The following GRM7 variants were observed in gnomAD, a reference collection of about 807,000 sequenced individuals.
The protein encoded by GRM7 is glutamate metabotropic receptor 7.
GRM7 carries 35 observed loss-of-function variants against 84.5 expected under a neutral mutation model. That is an observed-to-expected ratio of 0.41 (90% CI 0.32 to 0.55). The LOEUF is 0.55. GRM7 is among the 20% of genes least tolerant of loss of function. The pLI is 0.19. For missense variants in GRM7, 1,003 were observed against 1,194.6 expected (o/e 0.84, Z 2.36); for synonymous variants, 487 against 455.1 (o/e 1.07, Z -0.89).
At chr3:7,017,610 G>C (rs1221652839) in intron 1 of GRM7, among the ~76,000 whole-genome samples, 1 of 152,126 alleles carries the variant, frequency 6.6e-6, no homozygotes, top group African/African-American at 2.4e-5. Context: ...AGTTGTGCTG[G>C]TGATTCTCCA....
intron 2 of GRM7, among the ~76,000 whole-genome samples, chr3:7,284,751 A>T (rs1411818785): frequency 6.6e-6 from 1 of 152,152 alleles, no homozygotes; most frequent in Non-Finnish European, 1.5e-5. Context: ...TTTATATAAC[A>T]AAACTATTGT....
intron 2 of GRM7, among the ~76,000 whole-genome samples, chr3:7,214,227 A>G (rs1696526731): frequency 6.6e-6 from 1 of 152,190 alleles, no homozygotes; most frequent in Non-Finnish European, 1.5e-5. Context: ...TAATGAATGT[A>G]GAAGTCATGA....
intron 4 of GRM7, among the ~76,000 whole-genome samples, chr3:7,394,673 T>C (rs1422048179): frequency 4.6e-5 from 7 of 152,078 alleles, no homozygotes; most frequent in African/African-American, 1.7e-4. Flanking sequence ...CAAATTCTTA[T>C]GATTTTTCAG....
intron 1 of GRM7, among the ~76,000 whole-genome samples, chr3:7,127,939 C>G (rs1185914026): frequency 6.6e-6 from 1 of 151,934 alleles, no homozygotes; most frequent in African/African-American, 2.4e-5. Flanking sequence ...GAAAAGTAGA[C>G]CTTTTCTGTG....
At chr3:7,072,227 A>T (rs1697909345) in intron 1 of GRM7, among the ~76,000 whole-genome samples, 1 of 152,084 alleles carries the variant, frequency 6.6e-6, no homozygotes. Context: ...TCCATTAGTT[A>T]TCCCAAACTC....
chr3:7,550,404 TTC>T (rs751320607), intron 7 of GRM7, among the ~76,000 whole-genome samples: 29 of 141,138 alleles, frequency 2.1e-4, no homozygotes, highest in Non-Finnish European at 2.7e-4. Context: ...TTTCTTTCTT[TTC>T]TCTCTCTCTC....
chr3:7,292,349 C>A (rs1699661290), intron 2 of GRM7, among the ~76,000 whole-genome samples: 2 of 152,208 alleles, frequency 1.3e-5, no homozygotes, highest in Admixed American at 6.5e-5. Context: ...AATATGTATC[C>A]TCTTCTCCTC....
intron 2 of GRM7, among the ~76,000 whole-genome samples, chr3:7,174,727 A>G (rs1695090080): frequency 6.6e-6 from 1 of 152,138 alleles, no homozygotes; most frequent in Non-Finnish European, 1.5e-5. Flanking sequence ...CAAAAACTCC[A>G]ATTTCATCTT....
intron 8 of GRM7, among the ~76,000 whole-genome samples, chr3:7,656,547 G>A (rs7374386): frequency 0.49 from 68,709 of 139,022 alleles, 17,436 homozygotes; most frequent in Non-Finnish European, 0.56. Flanking sequence ...ATACGCGCGC[G>A]CACACACACA....
intron 2 of GRM7, among the ~76,000 whole-genome samples, chr3:7,284,526 T>G (rs1699363728): frequency 2.0e-5 from 3 of 152,306 alleles, no homozygotes; most frequent in African/African-American, 7.2e-5. Context: ...GCAATGTAGA[T>G]TTAATCAACA....
chr3:7,639,409 C>G (rs1015548402), intron 8 of GRM7, among the ~76,000 whole-genome samples: 1 of 152,136 alleles, frequency 6.6e-6, no homozygotes, highest in South Asian at 2.1e-4. Flanking sequence ...TCTATCTCTC[C>G]CATTAATATA....
intron 1 of GRM7, among the ~76,000 whole-genome samples, chr3:7,093,253 C>T (rs1698730460): frequency 6.6e-6 from 1 of 152,040 alleles, no homozygotes. Flanking sequence ...GATTAATTGA[C>T]TTTTCAAAGT....
chr3:7,326,759 G>A (rs1459781024), intron 4 of GRM7, among the ~76,000 whole-genome samples: 8 of 151,514 alleles, frequency 5.3e-5, no homozygotes, highest in South Asian at 2.1e-4. Flanking sequence ...GCTTGAACCC[G>A]GGAGGTGGAG....
intron 8 of GRM7, among the ~76,000 whole-genome samples, chr3:7,621,220 A>C (rs1016456062): frequency 1.1e-4 from 16 of 152,186 alleles, no homozygotes; most frequent in Non-Finnish European, 1.6e-4. Flanking sequence ...GCTACACATT[A>C]CATTCCAAAG....
intron 2 of GRM7, among the ~76,000 whole-genome samples, chr3:7,256,702 A>G (rs1293234333): frequency 1.3e-5 from 2 of 152,182 alleles, no homozygotes; most frequent in South Asian, 2.1e-4. Flanking sequence ...TCAAGGCACT[A>G]TTTATTGAGC....
intron 2 of GRM7, among the ~76,000 whole-genome samples, chr3:7,225,749 T>C (rs755661861): frequency 8.6e-5 from 13 of 151,932 alleles, no homozygotes; most frequent in Non-Finnish European, 1.8e-4. Flanking sequence ...TTAATACGTA[T>C]ATTTTGTCTC....
chr3:7,632,581 C>T (rs1697905105), intron 8 of GRM7, among the ~76,000 whole-genome samples: 1 of 152,090 alleles, frequency 6.6e-6, no homozygotes, highest in Non-Finnish European at 1.5e-5. Context: ...AAATGAAGAT[C>T]AAAATAGAAT....
chr3:6,877,534 G>A (rs1250792159), intron 1 of GRM7, among the ~76,000 whole-genome samples: 6 of 152,186 alleles, frequency 3.9e-5, no homozygotes, highest in East Asian at 3.9e-4. Context: ...TTCTCATCTC[G>A]CTTATGGATA....
chr3:7,096,186 C>T (rs1266892517), intron 1 of GRM7, among the ~76,000 whole-genome samples: 1 of 152,094 alleles, frequency 6.6e-6, no homozygotes, highest in African/African-American at 2.4e-5. Context: ...TGTACAAACT[C>T]CACTAATGTG....
Sources: allele counts gnomAD v4.1 joint callset (sites outside exome capture counted in the v4.1 genomes callset), GRCh38; gene constraint gnomAD v4.1.1; transcripts MANE v1.5; gene names NCBI Gene and HGNC (gene_info 2026-07-23, HGNC 2026-07-21).